The following IL1RAPL1 variants were observed in gnomAD, a reference collection of about 807,000 sequenced individuals.
IL1RAPL1 encodes the protein interleukin 1 receptor accessory protein like 1, also known as interleukin-1 receptor accessory protein-like 1.
In IL1RAPL1, 3 loss-of-function variants were observed where a neutral mutation model predicts 48.4. That is an observed-to-expected ratio of 0.06 (90% confidence interval 0.03 to 0.16). IL1RAPL1 has a LOEUF of 0.16. IL1RAPL1 is among the 10% of genes least tolerant of loss of function. The pLI, the probability that IL1RAPL1 is intolerant of heterozygous loss-of-function variation, is 1.00. For synonymous variants in IL1RAPL1, 185 were observed against 187.7 expected (o/e 0.99, Z 0.12); for missense variants, 349 against 530.6 (o/e 0.66, Z 3.36).
At chrX:29,417,234 A>G (rs1283326726) in intron 5 of IL1RAPL1, among the ~76,000 whole-genome samples, 1 of 111,990 alleles carries the variant, frequency 8.9e-6, no homozygotes, top group East Asian at 2.8e-4. Context: ...TGTAACATAT[A>G]TTTAGAAGAA....
chrX:29,507,255 TTTCC>T (rs1365385555), intron 5 of IL1RAPL1, among the ~76,000 whole-genome samples: 13 of 99,078 alleles, frequency 1.3e-4, no homozygotes, highest in South Asian at 5.0e-4. Context: ...TTCTTTCTTT[TTTCC>T]TTCCTTCCTT....
At chrX:29,397,045 A>G (rs781017443) in intron 4 of IL1RAPL1, among the ~76,000 whole-genome samples, 2 of 112,422 alleles carry the variant, frequency 1.8e-5, no homozygotes, top group South Asian at 7.3e-4. Context: ...TGACTTTCCT[A>G]TCACCATCAT....
At position 29,138,420 on chromosome X, in the gene IL1RAPL1, G is replaced by A. The variant is rs1200338686; in HGVS notation, c.83-144518G>A. Reference sequence around the variant, plus strand: ...AAAAGAACTGACAGTTGACAGCTAGGTATAACTTATATATATTTCATACAG... The same window carrying A: ...AAAAGAACTGACAGTTGACAGCTAGATATAACTTATATATATTTCATACAG... On this transcript the variant is annotated intron_variant, in intron 2 of 10. Transcript: ENST00000378993. Among the ~76,000 whole-genome samples the A allele has an allele frequency of 4.5e-5, 5 of 111,305 alleles. No homozygotes were observed. In the Admixed American group the frequency reaches 4.8e-4, roughly 11 times the overall value.
intron 5 of IL1RAPL1, among the ~76,000 whole-genome samples, chrX:29,443,945 C>T (rs1175603440): frequency 8.9e-6 from 1 of 112,166 alleles, no homozygotes; most frequent in African/African-American, 3.2e-5. Context: ...TTACTTTTGC[C>T]GATGTCCCAT....
At chrX:29,660,151 C>T (rs1435467535) in intron 5 of IL1RAPL1, among the ~76,000 whole-genome samples, 1 of 111,021 alleles carries the variant, frequency 9.0e-6, no homozygotes, top group Admixed American at 9.6e-5. Flanking sequence ...CCCCCATGAT[C>T]CAGTCACCTC....
intron 1 of IL1RAPL1, among the ~76,000 whole-genome samples, chrX:28,741,970 T>C (rs181856349): frequency 1.1e-3 from 119 of 111,721 alleles, no homozygotes; most frequent in Non-Finnish European, 4.0e-4. Context: ...TGTTTCAAAC[T>C]AGTGGTATTC....
At chrX:29,439,452 A>C (rs2147717775) in intron 5 of IL1RAPL1, among the ~76,000 whole-genome samples, 1 of 111,778 alleles carries the variant, frequency 8.9e-6, no homozygotes, top group South Asian at 3.7e-4. Flanking sequence ...AATGCGTTAA[A>C]GGTATATACT....
intron 3 of IL1RAPL1, among the ~76,000 whole-genome samples, chrX:29,312,705 C>G (rs1932744053): frequency 8.9e-6 from 1 of 111,811 alleles, no homozygotes; most frequent in South Asian, 3.8e-4. Context: ...GAAACAGAGG[C>G]TGATATGGTT....
intron 6 of IL1RAPL1, among the ~76,000 whole-genome samples, chrX:29,802,808 T>C (rs1308544442): frequency 7.4e-5 from 4 of 54,028 alleles, no homozygotes; most frequent in African/African-American, 3.4e-4. Context: ...TATATATATA[T>C]ATGTGTGTAT....
At chrX:28,842,580 C>G (rs1459069364) in intron 2 of IL1RAPL1, among the ~76,000 whole-genome samples, 1 of 111,285 alleles carries the variant, frequency 9.0e-6, no homozygotes, top group Admixed American at 9.6e-5. Flanking sequence ...AATTATCACA[C>G]AAGACAATTA....
intron 6 of IL1RAPL1, among the ~76,000 whole-genome samples, chrX:29,826,286 A>T (rs1339133743): frequency 8.9e-6 from 1 of 111,785 alleles, no homozygotes; most frequent in African/African-American, 3.3e-5. Flanking sequence ...AGAGTGTAAC[A>T]GAAGGAGGGC....
At chrX:29,580,706 A>G (rs1271177498) in intron 5 of IL1RAPL1, among the ~76,000 whole-genome samples, 1 of 111,762 alleles carries the variant, frequency 8.9e-6, no homozygotes, top group Admixed American at 9.5e-5. Context: ...AGGTTTGAAC[A>G]TGGTATGGTC....
At chrX:29,407,436 G>A (rs1934087208) in intron 5 of IL1RAPL1, among the ~76,000 whole-genome samples, 1 of 112,034 alleles carries the variant, frequency 8.9e-6, no homozygotes, top group Admixed American at 9.5e-5. Context: ...TTTCAAATAT[G>A]CATGTATGTT....
intron 5 of IL1RAPL1, among the ~76,000 whole-genome samples, chrX:29,582,135 C>T (rs775808578): frequency 4.3e-4 from 48 of 110,920 alleles, no homozygotes; most frequent in South Asian, 3.8e-4. Context: ...AATTGCTTAA[C>T]GTGGGAAAAC....
At chrX:29,002,062 ATTTT>A (rs948555336) in intron 2 of IL1RAPL1, among the ~76,000 whole-genome samples, 3 of 107,666 alleles carry the variant, frequency 2.8e-5, no homozygotes, top group Non-Finnish European at 5.8e-5. Flanking sequence ...TGTCCGGCTA[ATTTT>A]TTTTTGTATC....
chrX:28,768,293 A>G (rs182765370), intron 1 of IL1RAPL1, among the ~76,000 whole-genome samples: 261 of 111,081 alleles, frequency 2.3e-3, no homozygotes, highest in Non-Finnish European at 3.9e-3. Context: ...ATGTTGATCT[A>G]TAAACACATC....
intron 5 of IL1RAPL1, among the ~76,000 whole-genome samples, chrX:29,585,403 A>G (rs771616577): frequency 4.8e-4 from 54 of 112,197 alleles, no homozygotes; most frequent in Non-Finnish European, 9.6e-4. Flanking sequence ...TCCATTGTAT[A>G]TATGTATCAC....
At chrX:29,308,792 C>T (rs888262374) in intron 3 of IL1RAPL1, among the ~76,000 whole-genome samples, 4 of 112,066 alleles carry the variant, frequency 3.6e-5, no homozygotes, top group Non-Finnish European at 7.5e-5. Context: ...ATTGTCCAAG[C>T]GTCCTGGCTT....
intron 3 of IL1RAPL1, among the ~76,000 whole-genome samples, chrX:29,343,587 A>G (rs1441476632): frequency 8.9e-6 from 1 of 112,074 alleles, no homozygotes. Flanking sequence ...TGATTTTATT[A>G]AGTGTCTTAT....
Sources: gnomAD v4.1 joint callset for allele counts (sites outside exome capture counted in the v4.1 genomes callset) on GRCh38, gnomAD v4.1.1 for gene constraint, MANE v1.5 for transcripts, NCBI Gene and HGNC (gene_info 2026-07-23, HGNC 2026-07-21) for gene names.